CENATAC: variants seen among roughly 807,000 people sequenced by gnomAD.
CENATAC encodes the protein centrosomal AT-AC splicing factor.
Under a neutral mutation model 53.7 loss-of-function variants are expected in CENATAC, and 53 were observed. That is an observed-to-expected ratio of 0.99 (90% CI 0.79 to 1.24). The LOEUF is 1.24. Ranked by LOEUF, CENATAC falls within the 50% of genes most tolerant of loss-of-function variation. CENATAC has a pLI of 0.00. For missense variants in CENATAC, 474 were observed against 417.8 expected (o/e 1.13, Z -1.17); for synonymous variants, 156 against 144.6 (o/e 1.08, Z -0.57).
chr11:119,000,705 C>T (rs928971034), intron 3 of CENATAC, among the ~76,000 whole-genome samples: 1 of 151,700 alleles, frequency 6.6e-6, no homozygotes, highest in Non-Finnish European at 1.5e-5. Flanking sequence ...TGCAGTGAGC[C>T]GAGATCGCAC....
chr11:119,014,958 T>TTAAA, intron 8 of CENATAC, 36 bp from the exon 9 acceptor site: 4 of 1,169,132 alleles, frequency 3.4e-6, no homozygotes, highest in Admixed American at 2.5e-5. Context: ...CCTGAAGACT[T>TTAAA]AAAAAAAAAA....
intron 7 of CENATAC, chr11:119,012,918 G>A (rs531822570): frequency 1.1e-4 from 32 of 292,390 alleles, no homozygotes; most frequent in Non-Finnish European, 1.9e-4. Context: ...TGTAATTTAC[G>A]TAACTTGTGC....
intron 8 of CENATAC, chr11:119,014,080 TACC>T (rs1468690502): frequency 1.3e-5 from 2 of 152,220 alleles, no homozygotes; most frequent in Non-Finnish European, 2.9e-5. Flanking sequence ...GGGATACACC[TACC>T]ACATTATCCA....
At chr11:118,998,631 C>T (rs910495989) in intron 2 of CENATAC, 38 bp downstream of exon 2, 27 of 1,546,384 alleles carry the variant, frequency 1.7e-5, no homozygotes, top group Non-Finnish European at 7.0e-6. Flanking sequence ...AGCACAGACG[C>T]ATACATATAC....
intron 4 of CENATAC, 21 bp downstream of exon 4, chr11:119,010,851 C>G: frequency 1.2e-6 from 2 of 1,611,038 alleles, no homozygotes; most frequent in Non-Finnish European, 1.7e-6. Context: ...GTAGCAGTCC[C>G]TCACCCTTTT....
intron 3 of CENATAC, chr11:119,009,685 C>T (rs972295459): frequency 6.6e-6 from 1 of 152,178 alleles, no homozygotes; most frequent in African/African-American, 2.4e-5. Flanking sequence ...CCATTGTCTC[C>T]TTGGATATAT....
intron 3 of CENATAC, chr11:119,006,075 A>ATTTTTTTTTTTTTTTTTTTTT (rs564551696): frequency 1.7e-5 from 1 of 58,490 alleles, no homozygotes; most frequent in East Asian, 5.2e-4. Context: ...AGTAGGCAGG[A>ATTTTTTTTTTTTTTTTTTTTT]TTTTTTTTTT....
Position 119,011,211 on chromosome 11 carries a change from T to C in CENATAC, c.451-10T>C, listed in dbSNP as rs1323887916. The C allele has an allele frequency of 1.2e-6, 2 of 1,613,068 alleles. No homozygotes were observed. Among genetic ancestry groups the C allele is most frequent in the Admixed American group, 1.7e-5 (1 of 59,966 alleles). ...ATCCTGTACCTGTCTAAGCAGCCTC[T>C]CTCCCACAGATGGCAGCTCAGATCC... On this transcript the variant is annotated splice_polypyrimidine_tract_variant and intron_variant, in intron 4 of 10. Coordinates refer to ENST00000334418, the MANE Select transcript of CENATAC (RefSeq NM_198489.3).
chr11:119,007,474 A>G (rs914156500), intron 3 of CENATAC, among the ~76,000 whole-genome samples: 1 of 151,912 alleles, frequency 6.6e-6, no homozygotes, highest in Non-Finnish European at 1.5e-5. Context: ...GAACCACCTA[A>G]TCTGGCCTTT....
In CENATAC at chr11:119,010,756, C is replaced by A; in HGVS notation, c.384-8C>A. On this transcript the variant is annotated splice_region_variant and splice_polypyrimidine_tract_variant and intron_variant, in intron 3 of 10. Coordinates refer to ENST00000334418, the MANE Select transcript of CENATAC (RefSeq NM_198489.3). ...GGTTCTGGGTGGTTTTGCCCCTTTTCTTTTTAGATTCAAGAAATCCATGGT... is the reference window on the plus strand; with the variant it reads ...GGTTCTGGGTGGTTTTGCCCCTTTTATTTTTAGATTCAAGAAATCCATGGT... 1 of 1,613,876 alleles carries A rather than the reference C, an allele frequency of 6.2e-7. No homozygotes were observed.
rs782485079 is a variant in CENATAC at position 119,015,622 on chromosome 11, G to A, written c.*24G>A. On this transcript the variant is annotated 3_prime_UTR_variant, in exon 11 of 11. Transcript: ENST00000334418. ...AATCATGCTCTCTACCAACTACCAT[G>A]AGGCTAAAAGCAAAGTCAACAAACC... The A allele has an allele frequency of 3.1e-6, 5 of 1,613,086 alleles. No individual in the cohort carries two copies. Among genetic ancestry groups the A allele is most frequent in the African/African-American group, 2.7e-5 (2 of 74,924 alleles).
chr11:119,015,620 A>G lies in CENATAC; in HGVS notation c.*22A>G, dbSNP rs781858092. 3 of 1,613,280 alleles carry G rather than the reference A, an allele frequency of 1.9e-6. No individual in the cohort carries two copies. Among genetic ancestry groups the G allele is most frequent in the African/African-American group, 1.3e-5 (1 of 74,828 alleles). On this transcript the variant is annotated 3_prime_UTR_variant, in exon 11 of 11. Coordinates refer to ENST00000334418, the MANE Select transcript of CENATAC (RefSeq NM_198489.3). The stretch of plus-strand genomic sequence containing the variant: ...CTAATCATGCTCTCTACCAACTACC[A>G]TGAGGCTAAAAGCAAAGTCAACAAA...
chr11:119,006,713 G>A (rs759597122), intron 3 of CENATAC, among the ~76,000 whole-genome samples: 1 of 152,228 alleles, frequency 6.6e-6, no homozygotes, highest in African/African-American at 2.4e-5. Context: ...ATCAACCTCT[G>A]TGATATGGTT....
chr11:119,010,497 C>A (rs1392040856), intron 3 of CENATAC: 1 of 475,664 alleles, frequency 2.1e-6, no homozygotes, highest in Non-Finnish European at 3.7e-6. Context: ...GAATGTTCCT[C>A]CTCTTGGGAG....
intron 3 of CENATAC, chr11:119,003,330 C>G (rs112651487): frequency 5.6e-6 from 3 of 533,664 alleles, no homozygotes; most frequent in Admixed American, 2.0e-5. Flanking sequence ...GCTAGTGATA[C>G]GCGGATCTTC....
chr11:119,014,897 A>G, intron 8 of CENATAC, 97 bp from the exon 9 acceptor site: 1 of 788,594 alleles, frequency 1.3e-6, no homozygotes, highest in Admixed American at 2.8e-5. Flanking sequence ...AGACATTTCT[A>G]GCTCTTAATG....
At chr11:119,011,369 T>G in intron 5 of CENATAC, 86 bp downstream of exon 5, 1 of 1,217,320 alleles carries the variant, frequency 8.2e-7, no homozygotes, top group Non-Finnish European at 1.2e-6. Flanking sequence ...GGACTAGTGC[T>G]TCTTCTTCTT....
At chr11:119,013,134 C>T (rs1341663859) in intron 7 of CENATAC, 98 bp from the exon 8 acceptor site, 1 of 877,746 alleles carries the variant, frequency 1.1e-6, no homozygotes, top group Admixed American at 2.3e-5. Context: ...GTCACACCCA[C>T]CTCTTTTAAA....
intron 3 of CENATAC, chr11:119,009,972 C>T (rs1942789757): frequency 1.3e-5 from 2 of 152,052 alleles, no homozygotes; most frequent in Non-Finnish European, 2.9e-5. Flanking sequence ...ATGGCAAAAC[C>T]CTGTTTCTAC....
Sources: allele counts gnomAD v4.1 joint callset (sites outside exome capture counted in the v4.1 genomes callset), GRCh38; gene constraint gnomAD v4.1.1; transcripts MANE v1.5; gene names NCBI Gene and HGNC (gene_info 2026-07-23, HGNC 2026-07-21).